Variants in FOXP2 observed in about 807,000 individuals in gnomAD.
The protein encoded by FOXP2 is forkhead box P2.
In FOXP2, 12 loss-of-function variants were observed where a neutral mutation model predicts 115.8. The ratio of observed to expected loss-of-function variants is 0.10; its 90% CI spans 0.07 to 0.17. The LOEUF (loss-of-function observed/expected upper bound fraction) is 0.17. FOXP2 is among the 10% of genes least tolerant of loss of function. The probability of loss-of-function intolerance (pLI) is 1.00; values close to 1 mark genes in which losing one functional copy is unlikely to be tolerated. For synonymous variants in FOXP2, 328 were observed against 297.7 expected (o/e 1.10, Z -1.05); for missense variants, 629 against 843.5 (o/e 0.75, Z 3.15).
chr7:114,107,499 A>G (rs1791150114), intron 1 of FOXP2, among the ~76,000 whole-genome samples: 1 of 151,960 alleles, frequency 6.6e-6, no homozygotes, highest in Admixed American at 6.6e-5. Flanking sequence ...AGATAATTTC[A>G]CACTCATGTC....
chr7:114,644,934 T>C (rs1805793440), intron 8 of FOXP2, 145 bp downstream of exon 8: 1 of 631,152 alleles, frequency 1.6e-6, no homozygotes, highest in South Asian at 1.9e-5. Flanking sequence ...TTCCAACAAG[T>C]GGATTAGTAA....
At chr7:114,260,654 A>G (rs1362708636) in intron 1 of FOXP2, among the ~76,000 whole-genome samples, 2 of 152,168 alleles carry the variant, frequency 1.3e-5, no homozygotes, top group Non-Finnish European at 2.9e-5. Flanking sequence ...AAACGCATGA[A>G]CAACTAAGGA....
chr7:114,296,002 T>C (rs569644003), intron 2 of FOXP2, among the ~76,000 whole-genome samples: 2 of 152,350 alleles, frequency 1.3e-5, no homozygotes, highest in African/African-American at 2.4e-5. Context: ...AGGAGAATTC[T>C]CTGAAATCAA....
chr7:114,642,313 T>C (rs1805577584), intron 6 of FOXP2, 97 bp from the exon 7 acceptor site: 4 of 916,046 alleles, frequency 4.4e-6, no homozygotes, highest in Non-Finnish European at 6.9e-6. Flanking sequence ...GTAACATCAC[T>C]GTTGTTGTTG....
intron 1 of FOXP2, among the ~76,000 whole-genome samples, chr7:114,130,306 A>T (rs1046175754): frequency 2.6e-5 from 4 of 152,202 alleles, no homozygotes; most frequent in African/African-American, 9.6e-5. Context: ...CTCAGCGACC[A>T]AAAAGGAAAA....
At chr7:114,379,350 C>T (rs891168658) in intron 2 of FOXP2, among the ~76,000 whole-genome samples, 1 of 152,156 alleles carries the variant, frequency 6.6e-6, no homozygotes, top group African/African-American at 2.4e-5. Context: ...TGGATGCGGT[C>T]ACCTTCCCAG....
At position 114,169,139 on chromosome 7, in the gene FOXP2, G is replaced by T. The variant is rs192349898; in HGVS notation, c.-102+6051G>T. Among the ~76,000 whole-genome samples the T allele has an allele frequency of 1.1e-4, 13 of 121,258 alleles. No individual in the cohort carries two copies. The East Asian group carries it at 2.9e-3, about 27-fold the overall frequency. 79.5% of individuals were successfully genotyped at this position (121,258 alleles called of 152,430 possible). On this transcript the variant is annotated intron_variant, in intron 1 of 17. Coordinates refer to the FOXP2 transcript ENST00000634411. ...AATGTGGGGTCAGAGCCCCCACACAGAGTCCCTACTGGTGCACTGGTGCAC... is the reference window on the plus strand; with the variant it reads ...AATGTGGGGTCAGAGCCCCCACACATAGTCCCTACTGGTGCACTGGTGCAC...
chr7:114,563,276 C>T (rs1800843728), intron 3 of FOXP2, among the ~76,000 whole-genome samples: 1 of 152,178 alleles, frequency 6.6e-6, no homozygotes, highest in African/African-American at 2.4e-5. Flanking sequence ...ATATGACTGA[C>T]CACTTCAGAG....
At chr7:114,384,020 C>T (rs573529924) in intron 2 of FOXP2, among the ~76,000 whole-genome samples, 2 of 152,064 alleles carry the variant, frequency 1.3e-5, no homozygotes, top group African/African-American at 4.8e-5. Context: ...TCTAGTGGTC[C>T]TTTACCAGTG....
At chr7:114,237,630 T>G (rs2129166961) in intron 1 of FOXP2, among the ~76,000 whole-genome samples, 1 of 152,244 alleles carries the variant, frequency 6.6e-6, no homozygotes, top group East Asian at 1.9e-4. Context: ...CTTTTGTTGC[T>G]TCATTCTTTC....
At chr7:114,445,401 A>G (rs1794788204) in intron 2 of FOXP2, among the ~76,000 whole-genome samples, 1 of 152,184 alleles carries the variant, frequency 6.6e-6, no homozygotes, top group Non-Finnish European at 1.5e-5. Flanking sequence ...TTGGCCCTCA[A>G]CAGTATGTAA....
chr7:114,617,531 C>G (rs180744039), intron 3 of FOXP2, among the ~76,000 whole-genome samples: 1 of 152,174 alleles, frequency 6.6e-6, no homozygotes, highest in Non-Finnish European at 1.5e-5. Flanking sequence ...AGGCGGCTCA[C>G]GCGTGTAATC....
intron 2 of FOXP2, among the ~76,000 whole-genome samples, chr7:114,399,745 G>T (rs1190796658): frequency 4.0e-5 from 6 of 151,774 alleles, no homozygotes; most frequent in Non-Finnish European, 5.9e-5. Context: ...ATAATACTGT[G>T]TGTTAAAGCT....
At chr7:114,271,259 A>G (rs1404078629) in intron 1 of FOXP2, among the ~76,000 whole-genome samples, 3 of 151,214 alleles carry the variant, frequency 2.0e-5, no homozygotes, top group African/African-American at 7.3e-5. Context: ...CCCAATATGT[A>G]TACTTTTTCT....
chr7:114,312,307 G>T (rs559035524), intron 2 of FOXP2, among the ~76,000 whole-genome samples: 1 of 152,134 alleles, frequency 6.6e-6, no homozygotes, highest in East Asian at 1.9e-4. Context: ...AGAGTGAGGA[G>T]AAATCAGGAT....
intron 3 of FOXP2, among the ~76,000 whole-genome samples, chr7:114,605,400 C>T (rs964474929): frequency 6.6e-6 from 1 of 151,794 alleles, no homozygotes; most frequent in African/African-American, 2.4e-5. Flanking sequence ...TTTTTTGAAC[C>T]CCTACTATGT....
chr7:114,609,261 CTG>C (rs1206406124), intron 3 of FOXP2, among the ~76,000 whole-genome samples: 1 of 151,298 alleles, frequency 6.6e-6, no homozygotes, highest in Non-Finnish European at 1.5e-5. Flanking sequence ...TAGGCAGTCA[CTG>C]TTTTTCACAG....
chr7:114,112,027 A>G (rs1049609837), intron 1 of FOXP2, among the ~76,000 whole-genome samples: 2 of 152,126 alleles, frequency 1.3e-5, no homozygotes, highest in Non-Finnish European at 2.9e-5. Flanking sequence ...TAGGAAGAAC[A>G]GGGACCAAAT....
chr7:114,551,727 T>C (rs937151422), intron 3 of FOXP2, among the ~76,000 whole-genome samples: 1 of 152,194 alleles, frequency 6.6e-6, no homozygotes, highest in African/African-American at 2.4e-5. Flanking sequence ...AAAAGTATTT[T>C]AATAATTTTT....
Sources: allele counts gnomAD v4.1 joint callset (sites outside exome capture counted in the v4.1 genomes callset), GRCh38; gene constraint gnomAD v4.1.1; transcripts MANE v1.5; gene names NCBI Gene and HGNC (gene_info 2026-07-23, HGNC 2026-07-21).